The following PRKN variants were observed in gnomAD, a reference collection of about 807,000 sequenced individuals.
PRKN encodes parkin RBR E3 ubiquitin protein ligase, also known as E3 ubiquitin-protein ligase parkin.
PRKN carries 56 observed loss-of-function variants against 59.5 expected under a neutral mutation model. The ratio of observed to expected loss-of-function variants is 0.94; its 90% CI spans 0.76 to 1.18. The LOEUF is 1.18. Ranked by LOEUF, PRKN falls within the 50% of genes most tolerant of loss-of-function variation. PRKN has a pLI of 0.00. For missense variants in PRKN, 657 were observed against 596.4 expected (o/e 1.10, Z -1.06); for synonymous variants, 250 against 222.1 (o/e 1.13, Z -1.12).
intron 7 of PRKN, among the ~76,000 whole-genome samples, chr6:161,698,145 C>T (rs1354372358): frequency 6.6e-6 from 1 of 151,926 alleles, no homozygotes; most frequent in African/African-American, 2.4e-5. Context: ...ATAACAATGG[C>T]CTAAACTTCA....
At chr6:161,924,371 C>T (rs768119202) in intron 6 of PRKN, among the ~76,000 whole-genome samples, 3 of 152,130 alleles carry the variant, frequency 2.0e-5, no homozygotes, top group Non-Finnish European at 4.4e-5. Context: ...CTATAATTTA[C>T]TGGAAGTATT....
chr6:162,437,606 T>C (rs1481054020), intron 2 of PRKN, among the ~76,000 whole-genome samples: 1 of 152,174 alleles, frequency 6.6e-6, no homozygotes, highest in Non-Finnish European at 1.5e-5. Flanking sequence ...TCAGAACTGC[T>C]GGGAAGCATG....
chr6:162,635,283 T>G (rs1302537868), intron 1 of PRKN, among the ~76,000 whole-genome samples: 1 of 152,206 alleles, frequency 6.6e-6, no homozygotes, highest in East Asian at 1.9e-4. Flanking sequence ...AATAATAAAT[T>G]TCCTCTATCT....
At chr6:162,674,599 T>C (rs975029102) in intron 1 of PRKN, among the ~76,000 whole-genome samples, 1 of 152,134 alleles carries the variant, frequency 6.6e-6, no homozygotes, top group African/African-American at 2.4e-5. Context: ...GAAAACAAAA[T>C]GGCAACATTC....
chr6:161,692,095 A>C (rs909053502), intron 7 of PRKN, among the ~76,000 whole-genome samples: 18 of 152,308 alleles, frequency 1.2e-4, no homozygotes, highest in African/African-American at 4.3e-4. Flanking sequence ...GGAAAATGGA[A>C]ATAAAGATGC....
intron 9 of PRKN, among the ~76,000 whole-genome samples, chr6:161,449,901 C>T (rs145120361): frequency 6.6e-6 from 1 of 152,296 alleles, no homozygotes; most frequent in African/African-American, 2.4e-5. Context: ...AATGCACTGC[C>T]ATGACCCCCA....
intron 6 of PRKN, among the ~76,000 whole-genome samples, chr6:161,928,701 G>A (rs1779059030): frequency 6.6e-6 from 1 of 152,162 alleles, no homozygotes; most frequent in South Asian, 2.1e-4. Flanking sequence ...AGTGAGGTAG[G>A]TGTTTTTATT....
chr6:162,679,074 C>CTTCATTTATTTA (rs1779667816), intron 1 of PRKN, among the ~76,000 whole-genome samples: 1 of 138,114 alleles, frequency 7.2e-6, no homozygotes, highest in Non-Finnish European at 1.5e-5. Context: ...TGTGCCTGGC[C>CTTCATTTATTTA]TTTATTTATT....
chr6:161,411,119 G>C (rs538110030), intron 9 of PRKN, among the ~76,000 whole-genome samples: 17 of 152,252 alleles, frequency 1.1e-4, no homozygotes, highest in Admixed American at 2.6e-4. Context: ...GCAGGATTTA[G>C]GGCCTCTGTT....
chr6:162,280,636 C>T lies in PRKN; in HGVS notation c.172-17871G>A, dbSNP rs553109094. Among the ~76,000 whole-genome samples, 33 of 151,766 alleles carry T rather than the reference C, an allele frequency of 2.2e-4. 1 individual carries two copies. Among genetic ancestry groups the T allele is most frequent in the African/African-American group, 7.7e-4 (32 of 41,426 alleles). On this transcript the variant is annotated intron_variant, in intron 2 of 11. Coordinates refer to ENST00000366898, the MANE Select transcript of PRKN (RefSeq NM_004562.3). Reference sequence around the variant, plus strand: ...TGAAACCCCGTCTCTACTAAAAATACAAAAATTAGCTGGGCATGGTAGCGT... The same window carrying T: ...TGAAACCCCGTCTCTACTAAAAATATAAAAATTAGCTGGGCATGGTAGCGT...
At chr6:161,651,820 A>G (rs971348192) in intron 7 of PRKN, among the ~76,000 whole-genome samples, 1 of 152,120 alleles carries the variant, frequency 6.6e-6, no homozygotes, top group South Asian at 2.1e-4. Context: ...TAAATCACAC[A>G]CCCTTACCAA....
At chr6:162,705,632 A>C (rs551906315) in intron 1 of PRKN, among the ~76,000 whole-genome samples, 1 of 152,324 alleles carries the variant, frequency 6.6e-6, no homozygotes, top group African/African-American at 2.4e-5. Context: ...CTAGAAATTA[A>C]AATAATGCAT....
At chr6:162,141,023 C>G (rs111498707) in intron 4 of PRKN, among the ~76,000 whole-genome samples, 23,454 of 151,716 alleles carry the variant, frequency 0.15, 2,236 homozygotes, top group African/African-American at 0.26. Context: ...CCAGCTACTT[C>G]GGAGGCTGAG....
intron 1 of PRKN, among the ~76,000 whole-genome samples, chr6:162,650,597 CAAAAAAA>C (rs142452684): frequency 1.0e-5 from 1 of 95,370 alleles, no homozygotes; most frequent in African/African-American, 4.6e-5. Context: ...GACTCCGTCT[CAAAAAAA>C]AAAAAAAAAA....
At chr6:161,382,308 T>C (rs1786030719) in intron 10 of PRKN, among the ~76,000 whole-genome samples, 1 of 151,978 alleles carries the variant, frequency 6.6e-6, no homozygotes. Flanking sequence ...GATCTGGGCC[T>C]AGAATGTTGA....
intron 2 of PRKN, among the ~76,000 whole-genome samples, chr6:162,363,789 A>G (rs1354653957): frequency 6.6e-6 from 1 of 152,142 alleles, no homozygotes; most frequent in East Asian, 1.9e-4. Context: ...CCTTCTATAC[A>G]TCTTGCTGGA....
intron 6 of PRKN, among the ~76,000 whole-genome samples, chr6:161,904,260 A>C (rs1778046021): frequency 6.9e-6 from 1 of 145,008 alleles, no homozygotes; most frequent in Non-Finnish European, 1.5e-5. Flanking sequence ...AAATAGCCAG[A>C]CCTTTTTTGA....
chr6:161,786,654 C>T (rs1006317330), intron 6 of PRKN, among the ~76,000 whole-genome samples: 2 of 151,984 alleles, frequency 1.3e-5, no homozygotes, highest in Non-Finnish European at 2.9e-5. Context: ...ATCTGAATTT[C>T]CCCACTATCA....
At chr6:161,506,847 C>T (rs1778192296) in intron 9 of PRKN, among the ~76,000 whole-genome samples, 1 of 152,178 alleles carries the variant, frequency 6.6e-6, no homozygotes. Context: ...TCTGCAGTAC[C>T]AAAAAGTCAA....
Sources: gnomAD v4.1 joint callset for allele counts (sites outside exome capture counted in the v4.1 genomes callset) on GRCh38, gnomAD v4.1.1 for gene constraint, MANE v1.5 for transcripts, NCBI Gene and HGNC (gene_info 2026-07-23, HGNC 2026-07-21) for gene names.